Variants in CACNA2D1 observed in about 807,000 individuals in gnomAD.
CACNA2D1 encodes the protein calcium voltage-gated channel auxiliary subunit alpha2delta 1.
A neutral mutation model predicts 171.5 loss-of-function variants in CACNA2D1; 53 were observed. The ratio of observed to expected loss-of-function variants is 0.31; its 90% CI spans 0.25 to 0.39. CACNA2D1 has a LOEUF of 0.39. Among genes scored for constraint, CACNA2D1 ranks in the 10% least tolerant of loss-of-function variants. The probability of loss-of-function intolerance (pLI) is 1.00; values close to 1 mark genes in which losing one functional copy is unlikely to be tolerated. For synonymous variants in CACNA2D1, 442 were observed against 443.1 expected (o/e 1.00, Z 0.03); for missense variants, 903 against 1,299.8 (o/e 0.69, Z 4.69).
chr7:82,142,278 A>C (rs1792487837), intron 4 of CACNA2D1, among the ~76,000 whole-genome samples: 1 of 152,218 alleles, frequency 6.6e-6, no homozygotes, highest in Admixed American at 6.5e-5. Flanking sequence ...TGCTAATATA[A>C]TACTGCTGCT....
chr7:82,266,064 A>G (rs1251377996), intron 3 of CACNA2D1, among the ~76,000 whole-genome samples: 4 of 152,162 alleles, frequency 2.6e-5, no homozygotes, highest in Admixed American at 1.3e-4. Flanking sequence ...ATAATGTACC[A>G]TTTCTTATAA....
At chr7:82,093,380 A>AT (rs1465681150) in intron 6 of CACNA2D1, among the ~76,000 whole-genome samples, 2 of 152,124 alleles carry the variant, frequency 1.3e-5, no homozygotes, top group Non-Finnish European at 2.9e-5. Flanking sequence ...CAGCATTTAA[A>AT]ATATATTTTT....
chr7:82,163,080 G>A (rs2129136102), intron 4 of CACNA2D1, among the ~76,000 whole-genome samples: 1 of 152,030 alleles, frequency 6.6e-6, no homozygotes, highest in Middle Eastern at 3.4e-3. Context: ...AGCATCTGAT[G>A]TTATTCTTCA....
intron 1 of CACNA2D1, among the ~76,000 whole-genome samples, chr7:82,393,983 A>T (rs1344705327): frequency 6.6e-6 from 1 of 152,212 alleles, no homozygotes; most frequent in Non-Finnish European, 1.5e-5. Context: ...AGAAGAGGCA[A>T]AGAAAAATTT....
chr7:82,403,716 T>C (rs1389375913), intron 1 of CACNA2D1, among the ~76,000 whole-genome samples: 1 of 152,188 alleles, frequency 6.6e-6, no homozygotes, highest in Non-Finnish European at 1.5e-5. Context: ...TACCCCAAAC[T>C]ATATGGATAC....
chr7:82,296,492 G>T (rs1184480543), intron 3 of CACNA2D1, among the ~76,000 whole-genome samples: 3 of 152,078 alleles, frequency 2.0e-5, no homozygotes, highest in Non-Finnish European at 4.4e-5. Context: ...TCTTAGAATA[G>T]CAGGAAGGAT....
At position 82,207,448 on chromosome 7, in the gene CACNA2D1, C is replaced by T. The variant is rs999338836; in HGVS notation, c.295-36839G>A. Among the ~76,000 whole-genome samples the T allele has an allele frequency of 5.9e-5, 9 of 151,946 alleles. No homozygotes were observed. The East Asian group carries it at 1.7e-3, about 29-fold the overall frequency. The stretch of plus-strand genomic sequence containing the variant: ...AGCTTTGTAAAGTATCAAATGCCAT[C>T]CAAAAATTATAACATTTTGTTTCAT... On this transcript the variant is annotated intron_variant, in intron 3 of 38. Coordinates refer to ENST00000356860, the MANE Select transcript of CACNA2D1 (RefSeq NM_000722.4).
chr7:82,165,841 A>G (rs1795404487), intron 4 of CACNA2D1, among the ~76,000 whole-genome samples: 1 of 152,034 alleles, frequency 6.6e-6, no homozygotes, highest in Non-Finnish European at 1.5e-5. Context: ...AAAGGTGGAA[A>G]CTAAGAAAGA....
At chr7:82,259,645 G>A (rs1291890901) in intron 3 of CACNA2D1, among the ~76,000 whole-genome samples, 3 of 152,144 alleles carry the variant, frequency 2.0e-5, no homozygotes, top group Non-Finnish European at 4.4e-5. Context: ...ATATTGGAAG[G>A]ATAAAGCTCT....
intron 3 of CACNA2D1, among the ~76,000 whole-genome samples, chr7:82,172,784 TAAA>T (rs767526951): frequency 3.0e-5 from 4 of 135,472 alleles, no homozygotes; most frequent in African/African-American, 8.2e-5. Context: ...TTCCCCCATT[TAAA>T]AAAAAAAAAA....
At chr7:82,064,264 A>G (rs1807329453) in intron 9 of CACNA2D1, 40 bp downstream of exon 9, 1 of 1,344,538 alleles carries the variant, frequency 7.4e-7, no homozygotes, top group Non-Finnish European at 1.1e-6. Flanking sequence ...AAATCCTCCC[A>G]TATTCTCAAT....
chr7:82,321,175 G>A (rs1323659282), intron 3 of CACNA2D1, among the ~76,000 whole-genome samples: 1 of 152,118 alleles, frequency 6.6e-6, no homozygotes, highest in African/African-American at 2.4e-5. Context: ...GAGGCAGGCA[G>A]AACATTCGAG....
intron 3 of CACNA2D1, among the ~76,000 whole-genome samples, chr7:82,251,890 T>C (rs1159210006): frequency 6.6e-6 from 1 of 152,154 alleles, no homozygotes; most frequent in Non-Finnish European, 1.5e-5. Context: ...ACATTTTTTG[T>C]CCATAAACAG....
chr7:82,103,347 G>A (rs1291045885), intron 6 of CACNA2D1, among the ~76,000 whole-genome samples: 1 of 152,092 alleles, frequency 6.6e-6, no homozygotes, highest in Non-Finnish European at 1.5e-5. Context: ...AATGTGTTTA[G>A]AATTACCCAT....
intron 1 of CACNA2D1, among the ~76,000 whole-genome samples, chr7:82,385,385 AC>A (rs1419622180): frequency 6.6e-6 from 1 of 152,216 alleles, no homozygotes; most frequent in Admixed American, 6.5e-5. Context: ...CCTGATGCTT[AC>A]AAATGTCTTC....
chr7:82,420,019 C>T (rs934740216), intron 1 of CACNA2D1, among the ~76,000 whole-genome samples: 1 of 152,110 alleles, frequency 6.6e-6, no homozygotes, highest in Non-Finnish European at 1.5e-5. Flanking sequence ...CAGCGCCCCC[C>T]GCCCTTCCAC....
intron 3 of CACNA2D1, among the ~76,000 whole-genome samples, chr7:82,222,263 G>A (rs78812394): frequency 0.058 from 8,812 of 152,218 alleles, 268 homozygotes; most frequent in East Asian, 0.079. Context: ...TGAGACTTCT[G>A]AGAAGGAATT....
intron 3 of CACNA2D1, among the ~76,000 whole-genome samples, chr7:82,185,386 C>T (rs983091388): frequency 6.7e-6 from 1 of 149,016 alleles, no homozygotes; most frequent in Non-Finnish European, 1.5e-5. Context: ...ACATTACCCA[C>T]CCCGATAACT....
At chr7:82,077,053 A>G (rs974804657) in intron 7 of CACNA2D1, among the ~76,000 whole-genome samples, 1 of 152,214 alleles carries the variant, frequency 6.6e-6, no homozygotes, top group Admixed American at 6.5e-5. Context: ...CTTGGCATTT[A>G]GTCATTTAAT....
Sources: allele counts gnomAD v4.1 joint callset (sites outside exome capture counted in the v4.1 genomes callset), GRCh38; gene constraint gnomAD v4.1.1; transcripts MANE v1.5; gene names NCBI Gene and HGNC (gene_info 2026-07-23, HGNC 2026-07-21).